Variants in SPIN1 observed in about 807,000 individuals in gnomAD.
SPIN1 encodes spindlin-1.
A neutral mutation model predicts 26.0 loss-of-function variants in SPIN1; 3 were observed. That is an observed-to-expected ratio of 0.12 (90% CI 0.05 to 0.30). The LOEUF (loss-of-function observed/expected upper bound fraction) is 0.30, where lower values mean the gene tolerates loss of function less well. SPIN1 is among the 10% of genes least tolerant of loss of function. The pLI is 1.00. For synonymous variants in SPIN1, 101 were observed against 116.5 expected (o/e 0.87, Z 0.86); for missense variants, 126 against 333.4 (o/e 0.38, Z 4.84).
At chr9:88,438,675 G>T (rs906833727) in intron 2 of SPIN1, among the ~76,000 whole-genome samples, 1 of 152,116 alleles carries the variant, frequency 6.6e-6, no homozygotes, top group African/African-American at 2.4e-5. Flanking sequence ...TTGATAGAAG[G>T]ATGTTGAAAT....
chr9:88,419,886 T>C (rs1303244766), intron 1 of SPIN1, among the ~76,000 whole-genome samples: 2 of 152,160 alleles, frequency 1.3e-5, no homozygotes, highest in East Asian at 3.9e-4. Context: ...TTTCCAGAAA[T>C]CAGGAGAGAG....
intron 1 of SPIN1, among the ~76,000 whole-genome samples, chr9:88,399,493 T>G (rs1423356332): frequency 6.6e-6 from 1 of 152,178 alleles, no homozygotes; most frequent in Admixed American, 6.5e-5. Flanking sequence ...TCTAGTTGCC[T>G]TTGTTCCTGC....
chr9:88,416,369 G>C (rs1169366137), intron 1 of SPIN1, among the ~76,000 whole-genome samples: 1 of 151,992 alleles, frequency 6.6e-6, no homozygotes, highest in African/African-American at 2.4e-5. Flanking sequence ...TGTCACCTAG[G>C]CTGGAGTGCA....
At chr9:88,408,941 C>T (rs1354512066) in intron 1 of SPIN1, among the ~76,000 whole-genome samples, 15 of 150,272 alleles carry the variant, frequency 1.0e-4, no homozygotes, top group Non-Finnish European at 1.9e-4. Context: ...GGATTACAGG[C>T]GTGAGCCACA....
chr9:88,455,857 C>G (rs1047717820), intron 3 of SPIN1, among the ~76,000 whole-genome samples: 2 of 152,106 alleles, frequency 1.3e-5, no homozygotes, highest in Admixed American at 6.6e-5. Flanking sequence ...GGCACCCTTA[C>G]GTAGTTCCAG....
chr9:88,406,494 G>T lies in SPIN1; in HGVS notation c.-159+17956G>T, dbSNP rs567472317. On this transcript the variant is annotated intron_variant, in intron 1 of 5. Transcript: ENST00000375859. Reference sequence around the variant, plus strand: ...TTTTTAGTAGAGACAGGGTTTCACCGTGTTAGCCAGCATGGTCTCCATCTT... The same window carrying T: ...TTTTTAGTAGAGACAGGGTTTCACCTTGTTAGCCAGCATGGTCTCCATCTT... Among the ~76,000 whole-genome samples, 22 of 151,884 alleles carry T rather than the reference G, an allele frequency of 1.4e-4. No individual in the cohort carries two copies. The South Asian group carries it at 4.0e-3, about 27-fold the overall frequency.
intron 2 of SPIN1, among the ~76,000 whole-genome samples, chr9:88,432,803 G>T (rs961898157): frequency 6.6e-6 from 1 of 151,962 alleles, no homozygotes; most frequent in Non-Finnish European, 1.5e-5. Context: ...CCCATTCTCT[G>T]GGGGAGCTTA....
chr9:88,390,128 A>G (rs1826887153), intron 1 of SPIN1, among the ~76,000 whole-genome samples: 3 of 152,202 alleles, frequency 2.0e-5, no homozygotes, highest in Admixed American at 2.0e-4. Context: ...TACTTTTACA[A>G]TGGTTATGAA....
intron 1 of SPIN1, among the ~76,000 whole-genome samples, chr9:88,420,557 A>G (rs1010288920): frequency 2.6e-5 from 4 of 152,214 alleles, no homozygotes; most frequent in African/African-American, 7.2e-5. Flanking sequence ...TTTCCATACA[A>G]GGTTGGTTTA....
chr9:88,394,282 A>T (rs142053315), intron 1 of SPIN1, among the ~76,000 whole-genome samples: 49 of 152,234 alleles, frequency 3.2e-4, no homozygotes, highest in African/African-American at 1.2e-3. Flanking sequence ...TTGCTTTCTG[A>T]CACAAGATGT....
chr9:88,458,180 C>A (rs1207129310), intron 3 of SPIN1, among the ~76,000 whole-genome samples: 1 of 152,138 alleles, frequency 6.6e-6, no homozygotes. Flanking sequence ...TGAAAAGAAA[C>A]TTCAATCATT....
chr9:88,452,380 G>T (rs1305972220), intron 3 of SPIN1, among the ~76,000 whole-genome samples: 1 of 152,178 alleles, frequency 6.6e-6, no homozygotes, highest in East Asian at 1.9e-4. Flanking sequence ...CTGAACTGCA[G>T]GTTTTGTTTT....
intron 1 of SPIN1, among the ~76,000 whole-genome samples, chr9:88,420,936 C>G (rs770779931): frequency 6.6e-6 from 1 of 152,198 alleles, no homozygotes; most frequent in Non-Finnish European, 1.5e-5. Context: ...CCTGTTCTGT[C>G]TGTACACGTA....
chr9:88,433,584 T>A (rs150563002), intron 2 of SPIN1, among the ~76,000 whole-genome samples: 1 of 152,290 alleles, frequency 6.6e-6, no homozygotes, highest in Admixed American at 6.5e-5. Context: ...TCCTGCCTTA[T>A]TGGGGAGTCT....
Position 88,462,703 on chromosome 9 carries a change from T to C in SPIN1, c.309T>C (p.Asn103=). The stretch of plus-strand genomic sequence containing the variant: ...ACTGTGTTTATGGACTAGAACTTAA[T>C]AAAGATGAAAGAGTTTCTGCGCTTG... ...GFDCVYGLEL[N]KDERVSALEV... is the part of the protein sequence containing the mutation. The change falls in exon 4 of 6, where the codon AAT becomes AAC. Residue 103 remains asparagine, a synonymous_variant. Coordinates refer to ENST00000375859, the MANE Select transcript of SPIN1 (RefSeq NM_006717.3). The C allele has an allele frequency of 6.2e-7, 1 of 1,613,972 alleles. No homozygotes were observed. The highest frequency in any genetic ancestry group is 8.5e-7 in the Non-Finnish European group (1 of 1,179,958).
intron 1 of SPIN1, among the ~76,000 whole-genome samples, chr9:88,405,924 C>T (rs1340152892): frequency 6.6e-6 from 1 of 152,034 alleles, no homozygotes; most frequent in African/African-American, 2.4e-5. Flanking sequence ...CAACCTCTGC[C>T]TCCTGGGTTC....
Position 88,433,340 on chromosome 9 carries a change from C to G in SPIN1, c.52+6749C>G, listed in dbSNP as rs144426333. 6.0e-4 allele frequency among the ~76,000 whole-genome samples: 92 copies of G among 152,308 alleles called. 1 individual carries two copies. The highest frequency in any genetic ancestry group is 5.3e-4 in the Non-Finnish European group (36 of 68,022). ...TCAAGTGATCCACTGGCCTTGGTCT[C>G]CCTAAGTGCTGGGACTACAGTCATG... On this transcript the variant is annotated intron_variant, in intron 2 of 5. Coordinates refer to ENST00000375859, the MANE Select transcript of SPIN1 (RefSeq NM_006717.3).
intron 1 of SPIN1, among the ~76,000 whole-genome samples, chr9:88,416,197 G>C (rs973100683): frequency 3.9e-5 from 6 of 152,172 alleles, no homozygotes; most frequent in African/African-American, 1.4e-4. Context: ...TAGAAAAGTT[G>C]AAACAGGCAG....
intron 2 of SPIN1, among the ~76,000 whole-genome samples, chr9:88,445,050 C>T (rs1158098564): frequency 6.6e-6 from 1 of 152,138 alleles, no homozygotes; most frequent in Non-Finnish European, 1.5e-5. Context: ...AATGTTGACT[C>T]TGGGGACATA....
Sources: gnomAD v4.1 joint callset for allele counts (sites outside exome capture counted in the v4.1 genomes callset) on GRCh38, gnomAD v4.1.1 for gene constraint, MANE v1.5 for transcripts, NCBI Gene and HGNC (gene_info 2026-07-23, HGNC 2026-07-21) for gene names.